AKR1C3: variants seen among roughly 807,000 people sequenced by gnomAD.
The protein encoded by AKR1C3 is 3-alpha hydroxysteroid dehydrogenase, type II.
In AKR1C3, 48 loss-of-function variants were observed where a neutral mutation model predicts 43.6. The ratio of observed to expected loss-of-function variants is 1.10; its 90% CI spans 0.87 to 1.40. The LOEUF is 1.40. Among genes scored for constraint, AKR1C3 ranks in the 40% most tolerant of loss-of-function variants. The probability of loss-of-function intolerance (pLI) is 0.00; values close to 1 mark genes in which losing one functional copy is unlikely to be tolerated. For missense variants in AKR1C3, 482 were observed against 391.2 expected (o/e 1.23, Z -1.96); for synonymous variants, 162 against 139.6 (o/e 1.16, Z -1.13).
At chr10:5,098,902 A>G in intron 4 of AKR1C3, 23 bp downstream of exon 4, 5 of 1,570,834 alleles carry the variant, frequency 3.2e-6, no homozygotes, top group African/African-American at 1.4e-5. Context: ...CGGAGAGGAC[A>G]CAGAGAAGGA....
intron 1 of AKR1C3, among the ~76,000 whole-genome samples, chr10:5,088,604 G>A (rs554600927): frequency 6.6e-6 from 1 of 151,130 alleles, no homozygotes; most frequent in Non-Finnish European, 1.5e-5. Context: ...AATATCATTG[G>A]TATAAAAGTC....
Position 5,061,845 on chromosome 10 carries a change from C to T in AKR1C3, c.84+12950C>T, listed in dbSNP as rs568569826. Among the ~76,000 whole-genome samples, 17 of 152,246 alleles carry T rather than the reference C, an allele frequency of 1.1e-4. No individual in the cohort carries two copies. In the South Asian group the frequency reaches 3.1e-3, roughly 28 times the overall value. ...TAAATGTTTCATACATAAAATAAGG[C>T]ATGCTTGTAAGTATGAAAGACAAAA... On this transcript the variant is annotated intron_variant, in intron 1 of 8. Coordinates refer to the AKR1C3 transcript ENST00000439082.
chr10:5,070,376 A>C (rs1838593389), intron 1 of AKR1C3, among the ~76,000 whole-genome samples: 1 of 152,212 alleles, frequency 6.6e-6, no homozygotes. Flanking sequence ...AAAAGTAGAT[A>C]TTTATGGAAA....
chr10:5,062,749 G>A (rs539804085), intron 1 of AKR1C3, among the ~76,000 whole-genome samples: 6 of 151,244 alleles, frequency 4.0e-5, no homozygotes, highest in South Asian at 4.2e-4. Flanking sequence ...TGTTTTTCCA[G>A]ATGTGAGATA....
intron 1 of AKR1C3, 135 bp from the exon 2 acceptor site, chr10:5,096,275 G>T: frequency 9.1e-7 from 1 of 1,095,374 alleles, no homozygotes. Flanking sequence ...AAAGACTCAG[G>T]CAAACTGAGA....
intron 1 of AKR1C3, among the ~76,000 whole-genome samples, chr10:5,078,478 G>A (rs1554782055): frequency 6.6e-6 from 1 of 152,130 alleles, no homozygotes; most frequent in African/African-American, 2.4e-5. Flanking sequence ...TCATAAAAGC[G>A]AGATAGTTTG....
rs1307652990 is a variant in AKR1C3, at chr10:5,098,995, TACAAGAG to T, written c.447+117_447+123del. 7.6e-5 allele frequency: 72 copies of T among 950,696 alleles called. 1 individual carries two copies. The African/African-American group carries it at 1.1e-3, about 15-fold the overall frequency. 58.9% of individuals were successfully genotyped at this position (950,696 alleles called of 1,614,324 possible). ...ATTAGATCTAGAAATTCAGAAACTT[TACAAGAG>T]TAGCTTTGGTGAGATGAAGGGAAAA... is the stretch of plus-strand genomic sequence containing the variant. On this transcript the variant is annotated intron_variant, in intron 4 of 8. Transcript: ENST00000380554.
intron 1 of AKR1C3, among the ~76,000 whole-genome samples, chr10:5,079,426 G>T (rs1838783606): frequency 2.0e-5 from 3 of 152,192 alleles, no homozygotes; most frequent in Non-Finnish European, 2.9e-5. Context: ...GCAGAGATTT[G>T]CAAGTGCTGA....
At chr10:5,083,303 C>T (rs1381071485) in intron 1 of AKR1C3, among the ~76,000 whole-genome samples, 2 of 152,074 alleles carry the variant, frequency 1.3e-5, no homozygotes, top group East Asian at 3.9e-4. Flanking sequence ...GTTCAATTCC[C>T]ACCTATGAGT....
At chr10:5,054,058 G>GT (rs553494193) in intron 1 of AKR1C3, among the ~76,000 whole-genome samples, 117 of 152,344 alleles carry the variant, frequency 7.7e-4, no homozygotes, top group African/African-American at 2.5e-3. Flanking sequence ...TCTGATTTCA[G>GT]AAGCCTTTTC....
Position 5,107,575 on chromosome 10 carries a change from C to T in AKR1C3, c.*72C>T, listed in dbSNP as rs143001747. 1.2e-3 allele frequency: 1,542 copies of T among 1,245,174 alleles called. 10 individuals are homozygous for T. Among genetic ancestry groups the T allele is most frequent in the African/African-American group, 5.8e-3 (389 of 66,682 alleles). The allele number at this position is 1,245,174 out of a possible 1,614,324, so 77.1% of individuals were successfully genotyped here. A position where few individuals can be genotyped will look rare whatever the true frequency, so the allele number is the denominator to read the frequency against. On this transcript the variant is annotated 3_prime_UTR_variant, in exon 9 of 9. Coordinates refer to ENST00000380554, the MANE Select transcript of AKR1C3 (RefSeq NM_003739.6). ...GGTGACGCAGAGGACGTCTCTATGCCGGTGACTGGACATATCACCTCTACT... is the reference window on the plus strand; with the variant it reads ...GGTGACGCAGAGGACGTCTCTATGCTGGTGACTGGACATATCACCTCTACT...
intron 8 of AKR1C3, 39 bp downstream of exon 8, chr10:5,105,716 T>TA (rs1839484287): frequency 1.3e-6 from 2 of 1,538,972 alleles, no homozygotes; most frequent in Non-Finnish European, 9.0e-7. Flanking sequence ...AATTTATTTC[T>TA]GGAGAAGGAA....
chr10:5,063,764 G>GAAAAAAAAAAAAAAAAA (rs1406943359), intron 1 of AKR1C3, among the ~76,000 whole-genome samples: 3 of 33,434 alleles, frequency 9.0e-5, no homozygotes, highest in Admixed American at 4.6e-4. Flanking sequence ...CTCTGTCTCA[G>GAAAAAAAAAAAAAAAAA]CAAAAAAAAA....
chr10:5,059,506 C>G (rs1838334202), intron 1 of AKR1C3, among the ~76,000 whole-genome samples: 1 of 152,098 alleles, frequency 6.6e-6, no homozygotes, highest in African/African-American at 2.4e-5. Context: ...TTGGCTCAGC[C>G]CAGAAATACA....
intron 1 of AKR1C3, among the ~76,000 whole-genome samples, chr10:5,083,766 C>T (rs1838890279): frequency 6.6e-6 from 1 of 152,164 alleles, no homozygotes; most frequent in Non-Finnish European, 1.5e-5. Flanking sequence ...TAATGATCAC[C>T]ATTCAAACTG....
At chr10:5,102,694 C>T (rs1839388602) in intron 7 of AKR1C3, 44 bp downstream of exon 7, 9 of 1,448,668 alleles carry the variant, frequency 6.2e-6, no homozygotes, top group Non-Finnish European at 8.2e-6. Context: ...GCACAGTGTC[C>T]TTCACACGTG....
chr10:5,062,811 G>T (rs1298203784), intron 1 of AKR1C3, among the ~76,000 whole-genome samples: 1 of 146,484 alleles, frequency 6.8e-6, no homozygotes, highest in Non-Finnish European at 1.5e-5. Flanking sequence ...GCTTATTCCA[G>T]CCAGTTCATT....
At position 5,052,981 on chromosome 10, in the gene AKR1C3, C is replaced by T. The variant is rs188240999; in HGVS notation, c.84+4086C>T. Among the ~76,000 whole-genome samples, 4 of 152,270 alleles carry T rather than the reference C, an allele frequency of 2.6e-5. No individual in the cohort carries two copies. The East Asian group carries it at 7.7e-4, about 29-fold the overall frequency. On this transcript the variant is annotated intron_variant, in intron 1 of 8. Transcript: ENST00000439082. The stretch of plus-strand genomic sequence containing the variant: ...AGTGCCGATTGGTGCATTCACAAAC[C>T]CTGAGCTAGACACAGGGTGCTGATT...
intron 3 of AKR1C3, chr10:5,098,325 C>G: frequency 2.4e-6 from 1 of 411,968 alleles, no homozygotes; most frequent in Non-Finnish European, 3.3e-6. Context: ...CAGCTCAAGG[C>G]TCATGGTCAT....
Sources: gnomAD v4.1 joint callset for allele counts (sites outside exome capture counted in the v4.1 genomes callset) on GRCh38, gnomAD v4.1.1 for gene constraint, MANE v1.5 for transcripts, NCBI Gene and HGNC (gene_info 2026-07-23, HGNC 2026-07-21) for gene names.